Variants in LGMN observed in about 807,000 individuals in gnomAD.
LGMN encodes the protein legumain.
In LGMN, 36 loss-of-function variants were observed where a neutral mutation model predicts 56.8. The observed-to-expected ratio is 0.63, with a 90% CI of 0.49 to 0.84. The LOEUF is 0.84. LGMN is among the 40% of genes least tolerant of loss of function. The pLI is 0.00. For synonymous variants in LGMN, 199 were observed against 210.1 expected, an observed-to-expected ratio of 0.95 and a Z score of 0.46; for missense variants, 446 against 556.1, an observed-to-expected ratio of 0.80 and a Z score of 1.99.
chr14:92,705,630 A>G (rs540620645), intron 12 of LGMN, among the ~76,000 whole-genome samples: 3 of 152,294 alleles, frequency 2.0e-5, no homozygotes, highest in East Asian at 3.9e-4. Flanking sequence ...CTATGTTCCA[A>G]TAAAACTTTT....
rs1889640319 is a variant in LGMN at position 92,709,664 on chromosome 14, C to T, written c.1020+8G>A. 2 of 1,611,834 alleles carry T rather than the reference C, an allele frequency of 1.2e-6. No individual in the cohort carries two copies. Among genetic ancestry groups the T allele is most frequent in the African/African-American group, 2.7e-5 (2 of 74,842 alleles). On this transcript the variant is annotated splice_region_variant and intron_variant, in intron 11 of 13. Transcript: ENST00000334869. The stretch of plus-strand genomic sequence containing the variant: ...CACCTGGGCACAGCTCCTTTCACCA[C>T]TACTCACATCCAGATGCCGCTGGAT...
intron 2 of LGMN, among the ~76,000 whole-genome samples, chr14:92,732,244 AT>A (rs1261636881): frequency 6.6e-6 from 1 of 152,150 alleles, no homozygotes; most frequent in Non-Finnish European, 1.5e-5. Flanking sequence ...ATTCTGCGTT[AT>A]TACAGTGGAG....
chr14:92,719,283 C>T (rs1349466008), intron 2 of LGMN, among the ~76,000 whole-genome samples: 1 of 59,224 alleles, frequency 1.7e-5, no homozygotes, highest in Admixed American at 1.5e-4. Flanking sequence ...CCGCCACCGC[C>T]GCCGCCGCCG....
chr14:92,747,535 T>A (rs905735907), intron 1 of LGMN, among the ~76,000 whole-genome samples: 2 of 152,064 alleles, frequency 1.3e-5, no homozygotes, highest in Non-Finnish European at 2.9e-5. Flanking sequence ...TAAACTCCAC[T>A]CAAGCCTCCC....
In LGMN at chr14:92,718,844, C is replaced by A; in HGVS notation, c.139G>T (p.Ala47Ser). Residue 47 changes from alanine to serine, a missense_variant and splice_region_variant, in exon 3 of 14, where the codon GCA becomes TCA. Coordinates refer to ENST00000334869, the MANE Select transcript of LGMN (RefSeq NM_005606.7). ...ATCTGGTAGGCATGGCACGCGTCTG[C>A]CTGGGAGAAATGATTTGGTGAAGTT... ...SNGWYNYRHQ[A>S]DACHAYQIIH... 6.2e-7 allele frequency: 1 copy of A among 1,610,716 alleles called. No individual in the cohort carries two copies. Among genetic ancestry groups the A allele is most frequent in the Non-Finnish European group, 8.5e-7 (1 of 1,177,410 alleles).
intron 1 of LGMN, among the ~76,000 whole-genome samples, chr14:92,745,830 T>A (rs1005537353): frequency 8.7e-6 from 1 of 115,370 alleles, no homozygotes; most frequent in Non-Finnish European, 1.7e-5. Context: ...TCTCATTTTC[T>A]TTTTTTTTTT....
At chr14:92,732,570 T>C (rs1891104218) in intron 2 of LGMN, 79 bp downstream of exon 2, 4 of 1,500,458 alleles carry the variant, frequency 2.7e-6, no homozygotes, top group African/African-American at 1.4e-5. Context: ...AAGTCTTTTC[T>C]ATTTAATATT....
intron 2 of LGMN, 109 bp from the exon 3 acceptor site, chr14:92,718,953 G>T: frequency 3.3e-6 from 2 of 597,584 alleles, no homozygotes; most frequent in Non-Finnish European, 5.9e-6. Flanking sequence ...GAATCATCCC[G>T]TCGGTCAGGC....
chr14:92,725,947 G>A (rs1425038814), intron 2 of LGMN, among the ~76,000 whole-genome samples: 1 of 151,962 alleles, frequency 6.6e-6, no homozygotes, highest in Admixed American at 6.6e-5. Context: ...TAAGTTATGA[G>A]CTCATCTGAC....
intron 1 of LGMN, among the ~76,000 whole-genome samples, chr14:92,745,947 G>A (rs1301416558): frequency 6.6e-6 from 1 of 151,770 alleles, no homozygotes; most frequent in Non-Finnish European, 1.5e-5. Flanking sequence ...TCAGCCTCCC[G>A]AGTAGCTGGG....
chr14:92,710,781 T>G (rs1889723493), intron 10 of LGMN, among the ~76,000 whole-genome samples: 1 of 152,150 alleles, frequency 6.6e-6, no homozygotes, highest in East Asian at 1.9e-4. Context: ...GACCCTGCCT[T>G]CTCCGTGTCA....
chr14:92,737,242 C>T lies in LGMN; in HGVS notation c.-29-4427G>A, dbSNP rs74554861. 6.9e-3 allele frequency among the ~76,000 whole-genome samples: 1,050 copies of T among 152,236 alleles called. 29 individuals carry two copies. The South Asian group carries it at 0.08, about 12-fold the overall frequency. On this transcript the variant is annotated intron_variant, in intron 1 of 13. Coordinates refer to ENST00000334869, the MANE Select transcript of LGMN (RefSeq NM_005606.7). ...TATTTTTGTCTCTCCTTTTATCATT[C>T]CTCTGGTTCCCCGCTTCCTGCTTAG...
chr14:92,722,223 ATTCT>A (rs1162512111), intron 2 of LGMN, among the ~76,000 whole-genome samples: 1 of 151,300 alleles, frequency 6.6e-6, no homozygotes, highest in Non-Finnish European at 1.5e-5. Context: ...TCATTTTATT[ATTCT>A]TTAAGGTGTA....
chr14:92,704,979 G>A (rs1045814292), intron 12 of LGMN: 18 of 392,486 alleles, frequency 4.6e-5, no homozygotes, highest in Admixed American at 1.7e-4. Context: ...GGGAACTCCC[G>A]ATGGCTCTGC....
intron 1 of LGMN, among the ~76,000 whole-genome samples, chr14:92,734,206 CT>C (rs36115829): frequency 0.15 from 23,123 of 152,230 alleles, 2,083 homozygotes; most frequent in Non-Finnish European, 0.19. Context: ...AGGTTAGGGT[CT>C]GAGAGCAATG....
In LGMN at chr14:92,714,816, C is replaced by T. The variant is rs1179324201; in HGVS notation, c.405-365G>A. ...CTCCAACCAGATCTCCCCAAAATGA[C>T]CTCAACACAGGCCTGCAGCCTCCCC... On this transcript the variant is annotated intron_variant, in intron 5 of 13. Coordinates refer to ENST00000334869, the MANE Select transcript of LGMN (RefSeq NM_005606.7). The surrounding 1 kb of genome is among the most constrained non-coding windows in gnomAD (Gnocchi z 5.1). Among the ~76,000 whole-genome samples the T allele has an allele frequency of 2.6e-5, 4 of 152,196 alleles. No individual in the cohort carries two copies. The highest frequency in any genetic ancestry group is 2.1e-4 in the South Asian group (1 of 4,810).
intron 1 of LGMN, among the ~76,000 whole-genome samples, chr14:92,746,408 G>A (rs559738669): frequency 1.8e-4 from 27 of 152,198 alleles, no homozygotes; most frequent in African/African-American, 1.9e-4. Flanking sequence ...GATAGTCATC[G>A]GCTGGAAACC....
rs542861225 is a variant in LGMN at position 92,717,502 on chromosome 14, C to A, written c.237-41G>T. 4.3e-5 allele frequency: 59 copies of A among 1,383,754 alleles called. 1 individual carries two copies. In the South Asian group the frequency reaches 6.5e-4, roughly 15 times the overall value. The allele number at this position is 1,383,754 out of a possible 1,614,324, so 85.7% of individuals were successfully genotyped here. A position where few individuals can be genotyped will look rare whatever the true frequency, so the allele number is the denominator to read the frequency against. ...CACAATTTAAACGAGATGTGGCATG[C>A]CTCCGAAATCTCTCTCTTCAAACAC... On this transcript the variant is annotated intron_variant, in intron 3 of 13. Coordinates refer to ENST00000334869, the MANE Select transcript of LGMN (RefSeq NM_005606.7).
rs79179525 is a variant in LGMN, at chr14:92,707,556, G to A, written c.1021-903C>T. 6.9e-3 allele frequency among the ~76,000 whole-genome samples: 1,049 copies of A among 152,228 alleles called. 10 individuals carry two copies. The highest frequency in any genetic ancestry group is 0.024 in the African/African-American group (988 of 41,536). On this transcript the variant is annotated intron_variant, in intron 11 of 13. Coordinates refer to ENST00000334869, the MANE Select transcript of LGMN (RefSeq NM_005606.7). Reference sequence around the variant, plus strand: ...GATCCAGCTGTCGTCTAGCAATGCCGGACACAAAAGAGATACTCCCACATG... The same window carrying A: ...GATCCAGCTGTCGTCTAGCAATGCCAGACACAAAAGAGATACTCCCACATG...
Sources: gnomAD v4.1 joint callset for allele counts (sites outside exome capture counted in the v4.1 genomes callset) on GRCh38, gnomAD v4.1.1 for gene constraint, Gnocchi (gnomAD v3.1) non-coding constraint, MANE v1.5 for transcripts, NCBI Gene and HGNC (gene_info 2026-07-23, HGNC 2026-07-21) for gene names.